SLC24A2: variants seen among roughly 807,000 people sequenced by gnomAD.
SLC24A2 encodes the protein sodium/potassium/calcium exchanger 2.
Under a neutral mutation model 62.0 loss-of-function variants are expected in SLC24A2, and 36 were observed. The observed-to-expected ratio is 0.58, with a 90% CI of 0.44 to 0.77. SLC24A2 has a LOEUF of 0.77. SLC24A2 is among the 30% of genes least tolerant of loss of function. The pLI, the probability that SLC24A2 is intolerant of heterozygous loss-of-function variation, is 0.00. For missense variants in SLC24A2, 846 were observed against 817.9 expected, an observed-to-expected ratio of 1.03 and a Z score of -0.42; for synonymous variants, 358 against 294.0, an observed-to-expected ratio of 1.22 and a Z score of -2.23.
intron 2 of SLC24A2, among the ~76,000 whole-genome samples, chr9:19,633,648 C>G (rs916509524): frequency 5.3e-5 from 8 of 152,140 alleles, no homozygotes; most frequent in African/African-American, 1.9e-4. Flanking sequence ...GGGTTACAGG[C>G]GATCAACTTT....
At chr9:19,832,212 C>G in the SLC24A2 span, among the ~76,000 whole-genome samples, 1 of 152,214 alleles carries the variant, frequency 6.6e-6, no homozygotes, top group African/African-American at 2.4e-5. Context: ...AGCATTCCAA[C>G]TGTAACCCAA....
chr9:20,079,092 T>C, the SLC24A2 span, among the ~76,000 whole-genome samples: 70 of 143,968 alleles, frequency 4.9e-4, no homozygotes, highest in African/African-American at 1.7e-3. Context: ...AGGTGGGCCC[T>C]AAATCCAATG....
chr9:20,093,726 G>A, the SLC24A2 span, among the ~76,000 whole-genome samples: 1 of 152,148 alleles, frequency 6.6e-6, no homozygotes, highest in South Asian at 2.1e-4. Context: ...AAAAAAAGTA[G>A]TTAGAAAGAA....
chr9:20,298,657 T>A, the SLC24A2 span, among the ~76,000 whole-genome samples: 1 of 152,280 alleles, frequency 6.6e-6, no homozygotes, highest in South Asian at 2.1e-4. Context: ...GCAGCCATAA[T>A]AGTAATAGCA....
the SLC24A2 span, among the ~76,000 whole-genome samples, chr9:20,057,666 A>G: frequency 6.6e-6 from 1 of 152,216 alleles, no homozygotes; most frequent in Non-Finnish European, 1.5e-5. Flanking sequence ...AAATTTACAT[A>G]TGTGCAATCT....
At chr9:19,607,311 G>A (rs984228820) in intron 4 of SLC24A2, among the ~76,000 whole-genome samples, 5 of 152,210 alleles carry the variant, frequency 3.3e-5, no homozygotes, top group East Asian at 1.9e-4. Flanking sequence ...TTCTGAAGGA[G>A]TTCCCTTTTG....
chr9:20,168,175 G>C, the SLC24A2 span, among the ~76,000 whole-genome samples: 1 of 152,002 alleles, frequency 6.6e-6, no homozygotes, highest in Non-Finnish European at 1.5e-5. Flanking sequence ...TAGATAGATA[G>C]TTATAGAGGA....
chr9:19,708,988 A>T (rs946316733), intron 2 of SLC24A2, among the ~76,000 whole-genome samples: 9 of 152,232 alleles, frequency 5.9e-5, no homozygotes, highest in Admixed American at 3.3e-4. Context: ...ATGGGAGAAA[A>T]TTTTCGCAAC....
the SLC24A2 span, among the ~76,000 whole-genome samples, chr9:20,249,138 C>T: frequency 2.5e-3 from 388 of 152,284 alleles, no homozygotes; most frequent in Non-Finnish European, 4.6e-3. Flanking sequence ...CTCTGGGCTT[C>T]AATTTTTCAT....
chr9:19,927,760 A>G, the SLC24A2 span: 1 of 152,150 alleles, frequency 6.6e-6, no homozygotes, highest in Non-Finnish European at 1.5e-5. Context: ...CAGTTGTTTC[A>G]GCTGATTGTC....
chr9:19,789,176 C>T (rs114001016), upstream of SLC24A2, among the ~76,000 whole-genome samples: 244 of 152,352 alleles, frequency 1.6e-3, 2 homozygotes, highest in African/African-American at 5.6e-3. Flanking sequence ...GCCTCCTGGG[C>T]GCAGAGGCGA....
the SLC24A2 span, among the ~76,000 whole-genome samples, chr9:19,906,198 G>A: frequency 6.6e-6 from 1 of 152,090 alleles, no homozygotes; most frequent in Middle Eastern, 3.4e-3. Flanking sequence ...CAACTACATG[G>A]AAACTGAACA....
At position 19,510,139 on chromosome 9, in the gene SLC24A2, TA is replaced by T. The variant is rs1257887890; in HGVS notation, c.*6013del. Reference sequence around the variant, plus strand: ...GTCTGAGATTATGACCTAATGACCTTAAAAGCAGTTTGTGACCTTGACTTCA... The same window carrying T: ...GTCTGAGATTATGACCTAATGACCTTAAAGCAGTTTGTGACCTTGACTTCA... On this transcript the variant is annotated 3_prime_UTR_variant, in exon 11 of 11. Coordinates refer to ENST00000341998, the MANE Select transcript of SLC24A2 (RefSeq NM_020344.4). 1 of 152,154 alleles carries T rather than the reference TA, an allele frequency of 6.6e-6. No individual in the cohort carries two copies. The highest frequency in any genetic ancestry group is 2.4e-5 in the African/African-American group (1 of 41,424). 9.4% of individuals were successfully genotyped at this position (152,154 alleles called of 1,614,324 possible).
At chr9:19,936,676 TAGA>T in the SLC24A2 span, among the ~76,000 whole-genome samples, 1 of 152,170 alleles carries the variant, frequency 6.6e-6, no homozygotes, top group Non-Finnish European at 1.5e-5. Flanking sequence ...GTATGAACTG[TAGA>T]AGAACTAAAA....
intron 10 of SLC24A2, among the ~76,000 whole-genome samples, chr9:19,520,659 T>C (rs561805419): frequency 2.0e-5 from 3 of 152,168 alleles, no homozygotes; most frequent in East Asian, 3.9e-4. Context: ...ATACCCATTC[T>C]GTATGTAGGT....
At chr9:19,556,743 T>C (rs1835107682) in intron 7 of SLC24A2, among the ~76,000 whole-genome samples, 4 of 152,222 alleles carry the variant, frequency 2.6e-5, no homozygotes, top group African/African-American at 4.8e-5. Flanking sequence ...TTACGTATTT[T>C]ACATAAAAAC....
chr9:19,684,806 C>G (rs1819831653), intron 2 of SLC24A2, among the ~76,000 whole-genome samples: 2 of 151,988 alleles, frequency 1.3e-5, no homozygotes, highest in African/African-American at 4.8e-5. Flanking sequence ...AGGATGCCTA[C>G]TCTTACCACT....
the SLC24A2 span, among the ~76,000 whole-genome samples, chr9:20,022,940 G>C: frequency 3.3e-5 from 5 of 152,360 alleles, no homozygotes; most frequent in East Asian, 3.8e-4. Flanking sequence ...GATGAGCAGA[G>C]AGAGGTATGG....
intron 2 of SLC24A2, among the ~76,000 whole-genome samples, chr9:19,642,580 G>A (rs898991093): frequency 6.6e-6 from 1 of 152,022 alleles, no homozygotes; most frequent in Non-Finnish European, 1.5e-5. Flanking sequence ...TATGCCTACA[G>A]GTCCTGCTTA....
Sources: gnomAD v4.1 joint callset for allele counts (sites outside exome capture counted in the v4.1 genomes callset) on GRCh38, gnomAD v4.1.1 for gene constraint, MANE v1.5 for transcripts, NCBI Gene and HGNC (gene_info 2026-07-23, HGNC 2026-07-21) for gene names.